The following CCDC88C variants were observed in gnomAD, a reference collection of about 807,000 sequenced individuals.
The protein encoded by CCDC88C is coiled-coil and HOOK domain protein 88C.
A neutral mutation model predicts 198.8 loss-of-function variants in CCDC88C; 131 were observed. The observed-to-expected ratio is 0.66, with a 90% CI of 0.57 to 0.76. CCDC88C has a LOEUF of 0.76. Ranked by LOEUF, CCDC88C falls within the 30% of genes least tolerant of loss-of-function variation. The pLI is 0.00. For synonymous variants in CCDC88C, 1,166 were observed against 1,114.7 expected, an observed-to-expected ratio of 1.05 and a Z score of -0.92; for missense variants, 2,553 against 2,631.6, an observed-to-expected ratio of 0.97 and a Z score of 0.65.
intron 3 of CCDC88C, among the ~76,000 whole-genome samples, chr14:91,378,105 C>T (rs546114505): frequency 4.6e-5 from 7 of 152,308 alleles, no homozygotes; most frequent in East Asian, 1.9e-4. Flanking sequence ...AAAAGACACA[C>T]GCACATGTGG....
chr14:91,286,071 T>C (rs915536924), intron 25 of CCDC88C, among the ~76,000 whole-genome samples: 7 of 152,170 alleles, frequency 4.6e-5, no homozygotes, highest in Admixed American at 3.9e-4. Flanking sequence ...CGCCAACAAT[T>C]TATTTCCTCA....
At chr14:91,376,941 C>T (rs547492586) in intron 3 of CCDC88C, among the ~76,000 whole-genome samples, 15 of 152,328 alleles carry the variant, frequency 9.8e-5, no homozygotes, top group African/African-American at 3.1e-4. Flanking sequence ...AGAACTGCTC[C>T]GGGTGGGCAG....
At chr14:91,384,400 G>A (rs112564818) in intron 3 of CCDC88C, 28 of 505,838 alleles carry the variant, frequency 5.5e-5, no homozygotes, top group African/African-American at 1.6e-4. Flanking sequence ...CCAGGGAAGC[G>A]GAAGGTAGAC....
In CCDC88C at chr14:91,300,209, T is replaced by TGGGGCAGGGAA. The variant is rs1891211296; in HGVS notation, c.3636-150_3636-140dup. The TGGGGCAGGGAA allele has an allele frequency of 6.2e-6, 8 of 1,295,756 alleles. No homozygotes were observed. In the East Asian group the frequency reaches 2.0e-4, roughly 33 times the overall value. 80.3% of individuals were successfully genotyped at this position (1,295,756 alleles called of 1,614,324 possible). A position where few individuals can be genotyped will look rare whatever the true frequency, so the allele number is the denominator to read the frequency against. On this transcript the variant is annotated intron_variant, in intron 20 of 29. Transcript: ENST00000389857. ...AGTCTCTCTGCAGAAGTGAGGGGCATGGGGCAGGGAACAGGCGGGGAGCGC... is the reference window on the plus strand; with the variant it reads ...AGTCTCTCTGCAGAAGTGAGGGGCATGGGGCAGGGAAGGGGCAGGGAACAGGCGGGGAGCGC...
At chr14:91,299,367 G>A (rs931664955) in intron 21 of CCDC88C, among the ~76,000 whole-genome samples, 1 of 152,182 alleles carries the variant, frequency 6.6e-6, no homozygotes, top group Non-Finnish European at 1.5e-5. Flanking sequence ...TATGAAAACC[G>A]TGGCATTGAA....
rs2277509 is a variant in CCDC88C at position 91,283,251 on chromosome 14, C to A, written c.4630+78G>T. The A allele has an allele frequency of 0.67, 966,371 of 1,431,916 alleles. 327,739 individuals are homozygous for A. The highest frequency in any genetic ancestry group is 0.69 in the Non-Finnish European group (722,361 of 1,046,526). 88.7% of individuals were successfully genotyped at this position (1,431,916 alleles called of 1,614,324 possible). A position where few individuals can be genotyped will look rare whatever the true frequency, so the allele number is the denominator to read the frequency against. On this transcript the variant is annotated intron_variant, in intron 26 of 29. Transcript: ENST00000389857. ...CAGACTGAGAGGGAGAGCAACCTCT[C>A]TGATTTCCGAGAGCCTGGGGTCTTC...
intron 10 of CCDC88C, among the ~76,000 whole-genome samples, chr14:91,335,307 C>T (rs7159488): frequency 6.6e-6 from 1 of 152,108 alleles, no homozygotes. Flanking sequence ...TTGATGGGCA[C>T]GATGCACGCT....
chr14:91,300,197 A>G (rs1314471046), intron 20 of CCDC88C, 127 bp from the exon 21 acceptor site: 4 of 1,358,320 alleles, frequency 2.9e-6, no homozygotes, highest in South Asian at 1.4e-5. Context: ...CTCTCTGCAG[A>G]AGTGAGGGGC....
chr14:91,369,024 C>T (rs1438701571), intron 3 of CCDC88C, among the ~76,000 whole-genome samples: 1 of 152,208 alleles, frequency 6.6e-6, no homozygotes, highest in East Asian at 1.9e-4. Flanking sequence ...TGAGCATTTC[C>T]AGTGGGAGGG....
At chr14:91,312,814 A>C (rs1891895258) in intron 15 of CCDC88C, among the ~76,000 whole-genome samples, 1 of 152,262 alleles carries the variant, frequency 6.6e-6, no homozygotes, top group Admixed American at 6.5e-5. Flanking sequence ...ACCTGTGTGT[A>C]AGTATGACAT....
At chr14:91,392,558 C>T (rs1885568054) in intron 3 of CCDC88C, among the ~76,000 whole-genome samples, 1 of 152,166 alleles carries the variant, frequency 6.6e-6, no homozygotes, top group South Asian at 2.1e-4. Flanking sequence ...ATCAATTTAC[C>T]TCATCTTTTA....
chr14:91,388,407 T>C (rs1199357656), intron 3 of CCDC88C, among the ~76,000 whole-genome samples: 2 of 152,192 alleles, frequency 1.3e-5, no homozygotes, highest in Admixed American at 6.5e-5. Flanking sequence ...TTGACACTGA[T>C]GCTACAGCCT....
chr14:91,335,274 C>T (rs527251699), intron 10 of CCDC88C, among the ~76,000 whole-genome samples: 4 of 152,270 alleles, frequency 2.6e-5, no homozygotes, highest in East Asian at 3.9e-4. Flanking sequence ...AAACACCCCA[C>T]GCCACCCGCC....
intron 20 of CCDC88C, among the ~76,000 whole-genome samples, chr14:91,301,655 T>C (rs1364519565): frequency 6.6e-6 from 1 of 152,200 alleles, no homozygotes; most frequent in Non-Finnish European, 1.5e-5. Context: ...AGGTGGAGGC[T>C]GCTGTGAGCC....
intron 10 of CCDC88C, among the ~76,000 whole-genome samples, chr14:91,337,063 C>A (rs11160001): frequency 0.24 from 37,152 of 152,146 alleles, 5,853 homozygotes; most frequent in East Asian, 0.44. Flanking sequence ...TTCCAGCCCC[C>A]CTTGGAATAG....
At chr14:91,312,668 G>A (rs569573175) in intron 15 of CCDC88C, among the ~76,000 whole-genome samples, 1 of 152,356 alleles carries the variant, frequency 6.6e-6, no homozygotes, top group South Asian at 2.1e-4. Context: ...CTGGACGACA[G>A]TGAGACTCCG....
intron 13 of CCDC88C, 103 bp from the exon 14 acceptor site, chr14:91,315,890 T>C: frequency 1.6e-6 from 2 of 1,236,502 alleles, no homozygotes; most frequent in Non-Finnish European, 2.3e-6. Flanking sequence ...CACTGATGGG[T>C]CTTTTCTCAA....
In CCDC88C at chr14:91,315,799, A is replaced by G; in HGVS notation, c.1528-12T>C. On this transcript the variant is annotated splice_polypyrimidine_tract_variant and intron_variant, in intron 13 of 29. Transcript: ENST00000389857. ...TGTAACTTTTCAATCTGCAGAACCA[A>G]AAGACCCAGCCCAGTGCAGACATCA... The G allele has an allele frequency of 6.2e-7, 1 of 1,609,510 alleles. No individual in the cohort carries two copies. Among genetic ancestry groups the G allele is most frequent in the Non-Finnish European group, 8.5e-7 (1 of 1,177,562 alleles).
At chr14:91,297,642 A>G (rs1487326144) in intron 21 of CCDC88C, among the ~76,000 whole-genome samples, 151 bp from the exon 22 acceptor site, 2 of 148,878 alleles carry the variant, frequency 1.3e-5, no homozygotes, top group African/African-American at 5.0e-5. Context: ...TTTTTTTTCC[A>G]TGCATAAAAT....
Sources: allele counts gnomAD v4.1 joint callset (sites outside exome capture counted in the v4.1 genomes callset), GRCh38; gene constraint gnomAD v4.1.1; transcripts MANE v1.5; gene names NCBI Gene and HGNC (gene_info 2026-07-23, HGNC 2026-07-21).